ZNF831: variants seen among roughly 807,000 people sequenced by gnomAD.
ZNF831 encodes the protein zinc finger protein 831.
Under a neutral mutation model 95.8 loss-of-function variants are expected in ZNF831, and 59 were observed. The ratio of observed to expected loss-of-function variants is 0.62; its 90% CI spans 0.50 to 0.77. The LOEUF is 0.77. Among genes scored for constraint, ZNF831 ranks in the 30% least tolerant of loss-of-function variants. ZNF831 has a pLI of 0.00. For missense variants in ZNF831, 2,205 were observed against 2,164.0 expected, an observed-to-expected ratio of 1.02 and a Z score of -0.38; for synonymous variants, 961 against 925.5, an observed-to-expected ratio of 1.04 and a Z score of -0.70.
At chr20:59,204,656 G>T in intron 3 of ZNF831, among the ~76,000 whole-genome samples, 1 of 152,198 alleles carries the variant, frequency 6.6e-6, no homozygotes, top group Non-Finnish European at 1.5e-5. Context: ...CACTCCTTGG[G>T]TCTACTGTCC....
At chr20:59,251,894 T>A (rs1205049454) in intron 4 of ZNF831, among the ~76,000 whole-genome samples, 1 of 152,198 alleles carries the variant, frequency 6.6e-6, no homozygotes, top group Admixed American at 6.5e-5. Flanking sequence ...CTGACAGGTA[T>A]TCTCCTAAAC....
At chr20:59,164,327 C>T (rs921503672) in intron 1 of ZNF831, among the ~76,000 whole-genome samples, 120 bp downstream of exon 1, 14 of 152,174 alleles carry the variant, frequency 9.2e-5, no homozygotes, top group African/African-American at 1.4e-4. Flanking sequence ...GAAAATGCTA[C>T]GTAAAACTGT....
chr20:59,131,000 G>A (rs967290456), intron 1 of ZNF831, among the ~76,000 whole-genome samples: 3 of 152,172 alleles, frequency 2.0e-5, no homozygotes, highest in African/African-American at 4.8e-5. Flanking sequence ...AGCATGTGGT[G>A]CATGGTAGGT....
chr20:59,244,774 T>C (rs1397230378), intron 4 of ZNF831, among the ~76,000 whole-genome samples: 2 of 152,232 alleles, frequency 1.3e-5, no homozygotes, highest in African/African-American at 4.8e-5. Context: ...GTTTTGTATA[T>C]AACTCTAGGC....
upstream of ZNF831, among the ~76,000 whole-genome samples, chr20:59,161,156 C>T (rs1374575977): frequency 2.0e-5 from 3 of 152,148 alleles, no homozygotes; most frequent in Non-Finnish European, 2.9e-5. Flanking sequence ...TTTAAAGTGT[C>T]GGATTCAGTG....
chr20:59,165,789 T>G (rs551185329), intron 1 of ZNF831, among the ~76,000 whole-genome samples: 31 of 152,274 alleles, frequency 2.0e-4, no homozygotes, highest in African/African-American at 7.5e-4. Flanking sequence ...TCTCGCTCTG[T>G]CACCCAGGTT....
rs1988294335 is a variant in ZNF831 at position 59,258,830 on chromosome 20, T to TA, written c.*4088dup. The TA allele has an allele frequency of 6.6e-6, 1 of 152,242 alleles. No individual in the cohort carries two copies. Among genetic ancestry groups the TA allele is most frequent in the Non-Finnish European group, 1.5e-5 (1 of 68,046 alleles). The allele number at this position is 152,242 out of a possible 1,614,324, so 9.4% of individuals were successfully genotyped here. On this transcript the variant is annotated 3_prime_UTR_variant, in exon 6 of 6. Coordinates refer to ENST00000371030, the MANE Select transcript of ZNF831 (RefSeq NM_178457.3). ...ATTCTTTTCATCCATGCTTTGCACTTACGTAGGAATATACATAATTTGGTC... is the reference window on the plus strand; with the variant it reads ...ATTCTTTTCATCCATGCTTTGCACTTAACGTAGGAATATACATAATTTGGTC...
intron 4 of ZNF831, among the ~76,000 whole-genome samples, chr20:59,246,926 G>A (rs1342833061): frequency 1.3e-5 from 2 of 152,152 alleles, no homozygotes; most frequent in Non-Finnish European, 2.9e-5. Flanking sequence ...ACTGACTTCT[G>A]ATTATTTTTT....
intron 4 of ZNF831, among the ~76,000 whole-genome samples, chr20:59,224,858 G>A (rs13433368): frequency 0.019 from 2,936 of 152,216 alleles, 100 homozygotes; most frequent in African/African-American, 0.067. Context: ...AAAAGTCCCT[G>A]CATGAATGGT....
intron 1 of ZNF831, among the ~76,000 whole-genome samples, chr20:59,181,947 A>T (rs146316464): frequency 0.082 from 12,412 of 151,834 alleles, 696 homozygotes; most frequent in Non-Finnish European, 0.12. Flanking sequence ...TTCCTTGAGC[A>T]GTGGTTTGTA....
At chr20:59,161,863 A>G (rs1980891474), upstream of ZNF831, among the ~76,000 whole-genome samples, 1 of 152,166 alleles carries the variant, frequency 6.6e-6, no homozygotes, top group African/African-American at 2.4e-5. Context: ...GGTTGAACTA[A>G]TTTACATTCC....
chr20:59,141,509 G>C (rs982235650), intron 1 of ZNF831, among the ~76,000 whole-genome samples: 19 of 152,138 alleles, frequency 1.2e-4, no homozygotes, highest in African/African-American at 4.3e-4. Flanking sequence ...TTGCACCTTT[G>C]TCAAAATCAG....
intron 1 of ZNF831, among the ~76,000 whole-genome samples, chr20:59,128,397 C>G (rs1439143531): frequency 6.6e-6 from 1 of 152,158 alleles, no homozygotes; most frequent in Non-Finnish European, 1.5e-5. Context: ...AGAAGGGACC[C>G]CTAGATGACT....
intron 2 of ZNF831, among the ~76,000 whole-genome samples, chr20:59,157,735 C>T (rs150306373): frequency 6.6e-6 from 1 of 152,248 alleles, no homozygotes; most frequent in African/African-American, 2.4e-5. Context: ...AATGTTTAAA[C>T]ATATTGTTTT....
chr20:59,191,991 G>T lies in ZNF831; in HGVS notation c.972G>T (p.Glu324Asp), dbSNP rs547148575. 1.2e-6 allele frequency: 2 copies of T among 1,607,208 alleles called. No individual in the cohort carries two copies. The highest frequency in any genetic ancestry group is 1.3e-5 in the African/African-American group (1 of 74,792). ...ALQRQQATAAEKPWDAKAPEG... is the reference protein window; with the variant it reads ...ALQRQQATAADKPWDAKAPEG... ...AGCGGCAGCAGGCGACGGCAGCGGA[G>T]AAGCCCTGGGATGCCAAGGCCCCCG... Residue 324 changes from glutamate to aspartate, a missense_variant, in exon 2 of 6, where the codon GAG becomes GAT. Transcript: ENST00000371030.
At chr20:59,247,497 A>G (rs1987674114) in intron 4 of ZNF831, among the ~76,000 whole-genome samples, 1 of 152,212 alleles carries the variant, frequency 6.6e-6, no homozygotes, top group South Asian at 2.1e-4. Context: ...TCAATAACAT[A>G]GGCTCGAAAA....
chr20:59,156,475 G>A (rs930998463), intron 2 of ZNF831, among the ~76,000 whole-genome samples: 1 of 152,118 alleles, frequency 6.6e-6, no homozygotes, highest in Non-Finnish European at 1.5e-5. Context: ...GCAGTAAGCC[G>A]AGATTGCACC....
At chr20:59,227,970 C>T (rs1986519545) in intron 4 of ZNF831, among the ~76,000 whole-genome samples, 1 of 152,116 alleles carries the variant, frequency 6.6e-6, no homozygotes, top group African/African-American at 2.4e-5. Flanking sequence ...CTGGGCTTTC[C>T]ATTTCAACCA....
In ZNF831 at chr20:59,254,529, C is replaced by T; in HGVS notation, c.4820C>T (p.Ser1607Phe). 6 of 1,614,108 alleles carry T rather than the reference C, an allele frequency of 3.7e-6. No individual in the cohort carries two copies. The highest frequency in any genetic ancestry group is 5.1e-6 in the Non-Finnish European group (6 of 1,180,030). Residue 1607 changes from serine (S) to phenylalanine (F), a missense_variant, in exon 6 of 6, where the codon TCT becomes TTT. Ser to Phe is a radical substitution (Grantham distance 155, BLOSUM62 -2). Coordinates refer to ENST00000371030, the MANE Select transcript of ZNF831 (RefSeq NM_178457.3). This position sits in a 1 kb window ranked among gnomAD's most constrained non-coding sequence, Gnocchi z 4.5. ...GCGEMTVPCP[S>F]LGSDGRKRQV... ...GGGGAAATGACTGTCCCCTGCCCCTCTTTAGGAAGTGACGGTAGGAAACGT... is the reference window on the plus strand; with the variant it reads ...GGGGAAATGACTGTCCCCTGCCCCTTTTTAGGAAGTGACGGTAGGAAACGT...
Sources: gnomAD v4.1 joint callset for allele counts (sites outside exome capture counted in the v4.1 genomes callset) on GRCh38, gnomAD v4.1.1 for gene constraint, Gnocchi (gnomAD v3.1) non-coding constraint, MANE v1.5 for transcripts, NCBI Gene and HGNC (gene_info 2026-07-23, HGNC 2026-07-21) for gene names.